The following TRPM3 variants were observed in gnomAD, a reference collection of about 807,000 sequenced individuals.
The protein encoded by TRPM3 is long transient receptor potential channel 3.
In TRPM3, 77 loss-of-function variants were observed where a neutral mutation model predicts 181.2. The ratio of observed to expected loss-of-function variants is 0.42; its 90% confidence interval spans 0.35 to 0.51. The LOEUF (loss-of-function observed/expected upper bound fraction) is 0.51, where lower values mean the gene tolerates loss of function less well. Ranked by LOEUF, TRPM3 falls within the 20% of genes least tolerant of loss-of-function variation. The pLI, the probability that TRPM3 is intolerant of heterozygous loss-of-function variation, is 0.01. For missense variants in TRPM3, 1,759 were observed against 2,196.7 expected, an observed-to-expected ratio of 0.80 and a Z score of 3.98; for synonymous variants, 745 against 796.4, an observed-to-expected ratio of 0.94 and a Z score of 1.09.
chr9:70,544,868 T>C (rs1255649910), intron 25 of TRPM3, among the ~76,000 whole-genome samples: 2 of 152,148 alleles, frequency 1.3e-5, no homozygotes, highest in East Asian at 1.9e-4. Context: ...AAAGCCCTGG[T>C]TGAATTCATT....
At chr9:70,766,913 G>T (rs1443502751) in intron 7 of TRPM3, among the ~76,000 whole-genome samples, 2 of 152,168 alleles carry the variant, frequency 1.3e-5, no homozygotes, top group Admixed American at 6.5e-5. Context: ...TGTAAAATGG[G>T]AACTATAATA....
intron 1 of TRPM3, among the ~76,000 whole-genome samples, chr9:70,957,391 C>G (rs772225590): frequency 1.1e-4 from 17 of 152,160 alleles, no homozygotes; most frequent in South Asian, 2.1e-4. Context: ...GAAGCATCGA[C>G]TACTTGTTAC....
At chr9:70,981,607 T>C (rs2097364119) in intron 1 of TRPM3, among the ~76,000 whole-genome samples, 1 of 152,166 alleles carries the variant, frequency 6.6e-6, no homozygotes, top group Non-Finnish European at 1.5e-5. Flanking sequence ...TGCATCTTGG[T>C]TTTCTTGACT....
Position 70,535,951 on chromosome 9 carries a change from G to C in TRPM3, c.*2C>G, listed in dbSNP as rs147255141. 640 of 1,587,114 alleles carry C rather than the reference G, an allele frequency of 4.0e-4. 2 individuals carry two copies. The highest frequency in any genetic ancestry group is 4.3e-4 in the Non-Finnish European group (505 of 1,168,532). ...GCCTTCTGTGGCGGATATTAAGAAG[G>C]TTTAGTTGTGCTTGCTTTCAAAGCT... On this transcript the variant is annotated 3_prime_UTR_variant, in exon 26 of 26. Transcript: ENST00000677713.
chr9:71,032,202 T>TAGC (rs1325822539), intron 1 of TRPM3, among the ~76,000 whole-genome samples: 1 of 128,654 alleles, frequency 7.8e-6, no homozygotes, highest in Non-Finnish European at 1.6e-5. Flanking sequence ...ATATAATATA[T>TAGC]AATATATAGC....
rs534574108 is a variant in TRPM3, at chr9:71,105,569, G to A, written c.177+15609C>T. Among the ~76,000 whole-genome samples the A allele has an allele frequency of 2.6e-5, 4 of 152,244 alleles. No homozygotes were observed. In the South Asian group the frequency reaches 8.3e-4, roughly 32 times the overall value. On this transcript the variant is annotated intron_variant, in intron 1 of 25. Coordinates refer to ENST00000677713, the MANE Select transcript of TRPM3 (RefSeq NM_001366145.2). ...GTAAGCTATGGGGTGGTCCCTAGTT[G>A]CCTGGTACCTGGCCTTGGGATGATT...
At chr9:70,812,894 C>T (rs562764634) in intron 6 of TRPM3, among the ~76,000 whole-genome samples, 5 of 152,096 alleles carry the variant, frequency 3.3e-5, no homozygotes, top group African/African-American at 7.2e-5. Flanking sequence ...GTGTTATGTC[C>T]GCAAATTGTC....
At chr9:70,941,640 C>CT (rs1332056004) in intron 1 of TRPM3, among the ~76,000 whole-genome samples, 1 of 152,176 alleles carries the variant, frequency 6.6e-6, no homozygotes, top group African/African-American at 2.4e-5. Context: ...GGATGGGGTA[C>CT]TCCCATGGCC....
At chr9:71,232,623 C>A (rs1002275306) in intron 1 of TRPM3, among the ~76,000 whole-genome samples, 4 of 151,150 alleles carry the variant, frequency 2.6e-5, no homozygotes, top group African/African-American at 9.7e-5. Flanking sequence ...GCCTCAGCCT[C>A]GCAAGTAGCT....
chr9:71,418,914 ATATGTGTG>A (rs1416619971), intron 1 of TRPM3, among the ~76,000 whole-genome samples: 1 of 138,892 alleles, frequency 7.2e-6, no homozygotes, highest in Non-Finnish European at 1.6e-5. Flanking sequence ...GTGTGTATAT[ATATGTGTG>A]TGTGTGTATA....
chr9:71,257,286 A>C, intron 1 of TRPM3, among the ~76,000 whole-genome samples: 1 of 152,156 alleles, frequency 6.6e-6, no homozygotes, highest in East Asian at 1.9e-4. Context: ...GAGAGTTGGG[A>C]GAATATGGCA....
Position 71,131,835 on chromosome 9 carries a change from A to C in TRPM3, c.184-267324T>G, listed in dbSNP as rs113987568. 3.5e-3 allele frequency among the ~76,000 whole-genome samples: 529 copies of C among 152,348 alleles called. 2 individuals are homozygous for C. The highest frequency in any genetic ancestry group is 5.9e-3 in the Non-Finnish European group (404 of 68,028). On this transcript the variant is annotated intron_variant, in intron 1 of 24. Coordinates refer to the TRPM3 transcript ENST00000357533. ...TGGAAAAGAAAAGCAAAAGAGGAAA[A>C]GGAGTAAGTACAGGTATCAAAAATT...
chr9:70,921,481 A>C lies in TRPM3; in HGVS notation c.178-56970T>G, dbSNP rs185880047. Among the ~76,000 whole-genome samples the C allele has an allele frequency of 7.0e-4, 106 of 152,320 alleles. 1 individual carries two copies. In the South Asian group the frequency reaches 8.9e-3, roughly 13 times the overall value. On this transcript the variant is annotated intron_variant, in intron 1 of 25. Transcript: ENST00000677713. The stretch of plus-strand genomic sequence containing the variant: ...CATTAGCCAGGCCTTTCACTTCCAC[A>C]ACCTTGAATAGTCCAGGAAACAGAA...
At chr9:71,082,290 G>A (rs943447222) in intron 1 of TRPM3, among the ~76,000 whole-genome samples, 1 of 152,106 alleles carries the variant, frequency 6.6e-6, no homozygotes, top group African/African-American at 2.4e-5. Context: ...ATGCACAGAT[G>A]GCCAAATAGC....
chr9:71,059,041 T>TTA (rs34384966), intron 1 of TRPM3, among the ~76,000 whole-genome samples: 1 of 146,480 alleles, frequency 6.8e-6, no homozygotes. Context: ...TTTTTTTTTT[T>TTA]ACCAGTCACT....
At chr9:71,253,552 G>A (rs1261561547) in intron 1 of TRPM3, among the ~76,000 whole-genome samples, 3 of 152,080 alleles carry the variant, frequency 2.0e-5, no homozygotes, top group Admixed American at 1.3e-4. Context: ...AGTTTCAATT[G>A]TTCTTCACAC....
intron 3 of TRPM3, among the ~76,000 whole-genome samples, chr9:70,854,394 A>G (rs1303887454): frequency 6.6e-6 from 1 of 152,232 alleles, no homozygotes; most frequent in Non-Finnish European, 1.5e-5. Context: ...ACGACCTCAC[A>G]GGACACTGTG....
intron 6 of TRPM3, among the ~76,000 whole-genome samples, chr9:70,785,951 C>T (rs1345617254): frequency 6.6e-6 from 1 of 152,100 alleles, no homozygotes; most frequent in African/African-American, 2.4e-5. Flanking sequence ...GACCTGGGGA[C>T]CCATTCGTTT....
rs562455584 is a variant in TRPM3 at position 70,787,004 on chromosome 9, C to G, written c.974-2725G>C. On this transcript the variant is annotated intron_variant, in intron 6 of 25. Transcript: ENST00000677713. ...TTCCAGTGATCTGGCATCTACAAGA[C>G]AGCAGGAAAGATGGCTGGAAACCTC... Among the ~76,000 whole-genome samples, 230 of 152,242 alleles carry G rather than the reference C, an allele frequency of 1.5e-3. 1 individual carries two copies. The highest frequency in any genetic ancestry group is 5.2e-3 in the African/African-American group (217 of 41,560).
Sources: allele counts gnomAD v4.1 joint callset (sites outside exome capture counted in the v4.1 genomes callset), GRCh38; gene constraint gnomAD v4.1.1; transcripts MANE v1.5; gene names NCBI Gene and HGNC (gene_info 2026-07-23, HGNC 2026-07-21).